Variants in PLEKHA6 observed in about 807,000 individuals in gnomAD.
PLEKHA6 encodes the protein pleckstrin homology domain-containing family A member 6.
In PLEKHA6, 60 loss-of-function variants were observed where a neutral mutation model predicts 116.7. The observed-to-expected ratio is 0.51, with a 90% confidence interval of 0.42 to 0.64. PLEKHA6 has a LOEUF of 0.64. PLEKHA6 is among the 30% of genes least tolerant of loss of function. The probability of loss-of-function intolerance (pLI) is 0.00; values close to 1 mark genes in which losing one functional copy is unlikely to be tolerated. For missense variants in PLEKHA6, 1,338 were observed against 1,422.7 expected (o/e 0.94, Z 0.96); for synonymous variants, 489 against 556.1 (o/e 0.88, Z 1.70).
At chr1:204,281,384 G>A (rs1256677550) in intron 1 of PLEKHA6, among the ~76,000 whole-genome samples, 1 of 152,058 alleles carries the variant, frequency 6.6e-6, no homozygotes, top group African/African-American at 2.4e-5. Flanking sequence ...AATTAGCCGG[G>A]CCTGGTGGCG....
intron 1 of PLEKHA6, among the ~76,000 whole-genome samples, chr1:204,327,801 A>G (rs554770850): frequency 2.0e-5 from 3 of 152,108 alleles, no homozygotes; most frequent in African/African-American, 4.8e-5. Context: ...CCAAACCCCA[A>G]TCCTCTCTCC....
chr1:204,325,535 G>T lies in PLEKHA6; in HGVS notation c.-95+34159C>A, dbSNP rs954009718. Reference sequence around the variant, plus strand: ...ATGCTCAGAAATATTGAGAGCTCAGGTCCCAGGACTAGGAGCCCGAATGCC... The same window carrying T: ...ATGCTCAGAAATATTGAGAGCTCAGTTCCCAGGACTAGGAGCCCGAATGCC... On this transcript the variant is annotated intron_variant, in intron 1 of 22. Transcript: ENST00000272203. Among the ~76,000 whole-genome samples the T allele has an allele frequency of 2.6e-5, 4 of 152,324 alleles. No individual in the cohort carries two copies. The East Asian group carries it at 7.7e-4, about 29-fold the overall frequency.
chr1:204,276,333 C>G (rs754561810), intron 1 of PLEKHA6, among the ~76,000 whole-genome samples: 2 of 152,248 alleles, frequency 1.3e-5, no homozygotes, highest in East Asian at 3.9e-4. Context: ...TCCCCACTTC[C>G]CAAACTTTAT....
intron 1 of PLEKHA6, among the ~76,000 whole-genome samples, chr1:204,330,002 C>T (rs977732524): frequency 1.5e-4 from 23 of 151,832 alleles, no homozygotes; most frequent in African/African-American, 4.6e-4. Context: ...GTGAATGGAC[C>T]TGATTTGGAT....
chr1:204,328,119 C>T (rs1051042181), intron 1 of PLEKHA6, among the ~76,000 whole-genome samples: 3 of 151,566 alleles, frequency 2.0e-5, no homozygotes, highest in African/African-American at 7.3e-5. Flanking sequence ...TTTCACTCTT[C>T]TTGCCCAGGC....
intron 1 of PLEKHA6, among the ~76,000 whole-genome samples, chr1:204,341,518 G>T (rs1672845923): frequency 6.6e-6 from 1 of 152,214 alleles, no homozygotes; most frequent in African/African-American, 2.4e-5. Flanking sequence ...TGATTGCAGG[G>T]ATGGAGCTCT....
chr1:204,258,678 A>AT (rs1341872512), intron 8 of PLEKHA6, among the ~76,000 whole-genome samples: 1 of 152,236 alleles, frequency 6.6e-6, no homozygotes, highest in Non-Finnish European at 1.5e-5. Context: ...GAGGGACACC[A>AT]TTGGGCCCAA....
chr1:204,283,710 C>T (rs1668878187), intron 1 of PLEKHA6, among the ~76,000 whole-genome samples: 1 of 152,244 alleles, frequency 6.6e-6, no homozygotes, highest in Admixed American at 6.5e-5. Flanking sequence ...TCAAGGTCTG[C>T]TCCAAGAACA....
intron 1 of PLEKHA6, among the ~76,000 whole-genome samples, chr1:204,374,479 A>G (rs755999808): frequency 1.3e-5 from 2 of 152,134 alleles, no homozygotes; most frequent in South Asian, 4.1e-4. Flanking sequence ...AGTATGCCCA[A>G]TCACCTCACC....
rs1252778059 is a variant in PLEKHA6 at position 204,228,294 on chromosome 1, C to T, written c.2886-66G>A. ...GATGGTCCAAGTGGCTTGAGGGGGC[C>T]TGCGGACTGAGGTTGGCAGGGAGGG... On this transcript the variant is annotated intron_variant, in intron 20 of 22. Transcript: ENST00000272203. The surrounding 1 kb of genome is among the most constrained non-coding windows in gnomAD (Gnocchi z 4.0). 1.3e-6 allele frequency: 2 copies of T among 1,492,686 alleles called. No homozygotes were observed. The highest frequency in any genetic ancestry group is 1.8e-6 in the Non-Finnish European group (2 of 1,105,370). 92.5% of individuals were successfully genotyped at this position (1,492,686 alleles called of 1,614,324 possible).
At chr1:204,351,589 C>T (rs1168371504) in intron 1 of PLEKHA6, among the ~76,000 whole-genome samples, 1 of 152,136 alleles carries the variant, frequency 6.6e-6, no homozygotes, top group Non-Finnish European at 1.5e-5. Context: ...TTTTCTAGTA[C>T]TTACTATGTG....
chr1:204,362,117 T>C (rs1246978625), upstream of PLEKHA6, among the ~76,000 whole-genome samples: 4 of 152,158 alleles, frequency 2.6e-5, no homozygotes, highest in Admixed American at 1.3e-4. Flanking sequence ...GTGGGGTGCA[T>C]GCCTTTAGCT....
intron 1 of PLEKHA6, chr1:204,299,749 CATGAGCTA>C (rs1312698310): frequency 4.9e-6 from 2 of 410,472 alleles, no homozygotes; most frequent in Non-Finnish European, 6.6e-6. Flanking sequence ...GCACCAATTC[CATGAGCTA>C]ATGTCCCCTT....
rs535074125 is a variant in PLEKHA6 at position 204,273,542 on chromosome 1, A to G, written c.102+84T>C. 1.2e-4 allele frequency: 115 copies of G among 950,710 alleles called. 1 individual carries two copies. The East Asian group carries it at 1.9e-3, about 16-fold the overall frequency. 58.9% of individuals were successfully genotyped at this position (950,710 alleles called of 1,614,324 possible). On this transcript the variant is annotated intron_variant, in intron 3 of 22. Coordinates refer to ENST00000272203, the MANE Select transcript of PLEKHA6 (RefSeq NM_014935.5). ...TGCAGAAATAGCTGGACAGGCTACA[A>G]TTTCCTAGGATTCCCAGAGATCCCA...
At chr1:204,365,547 G>A (rs768806726) in intron 3 of PLEKHA6, among the ~76,000 whole-genome samples, 18 of 152,182 alleles carry the variant, frequency 1.2e-4, no homozygotes, top group Non-Finnish European at 1.5e-4. Flanking sequence ...AGATGGAACC[G>A]GCACAGAGAA....
At chr1:204,325,077 G>C (rs1672195956) in intron 1 of PLEKHA6, among the ~76,000 whole-genome samples, 1 of 152,082 alleles carries the variant, frequency 6.6e-6, no homozygotes, top group Admixed American at 6.5e-5. Context: ...TTTCAGCAAG[G>C]GAGAGGCAGG....
intron 12 of PLEKHA6, 66 bp downstream of exon 12, chr1:204,248,755 G>C: frequency 7.5e-6 from 11 of 1,462,442 alleles, no homozygotes; most frequent in Non-Finnish European, 1.0e-5. Context: ...GCACAAGCTG[G>C]GAGGTGGTGG....
intron 6 of PLEKHA6, among the ~76,000 whole-genome samples, chr1:204,264,730 G>T (rs1427426714): frequency 1.6e-4 from 25 of 152,164 alleles, no homozygotes; most frequent in Admixed American, 1.4e-3. Flanking sequence ...GAGGAGGAAG[G>T]TCCCAGCATA....
upstream of PLEKHA6, among the ~76,000 whole-genome samples, chr1:204,363,553 G>C (rs11803361): frequency 0.16 from 24,845 of 152,198 alleles, 2,195 homozygotes; most frequent in Middle Eastern, 0.21. Flanking sequence ...GAAGGAGAGA[G>C]GCACCCTTGG....
Sources: gnomAD v4.1 joint callset for allele counts (sites outside exome capture counted in the v4.1 genomes callset) on GRCh38, gnomAD v4.1.1 for gene constraint, Gnocchi (gnomAD v3.1) non-coding constraint, MANE v1.5 for transcripts, NCBI Gene and HGNC (gene_info 2026-07-23, HGNC 2026-07-21) for gene names.